EFCC1: variants seen among roughly 807,000 people sequenced by gnomAD.
The protein encoded by EFCC1 is EF-hand and coiled-coil domain containing 1.
A neutral mutation model predicts 52.1 loss-of-function variants in EFCC1; 50 were observed. That is an observed-to-expected ratio of 0.96 (90% CI 0.76 to 1.21). EFCC1 has a LOEUF of 1.21. EFCC1 is among the 50% of genes most tolerant of loss of function. The pLI is 0.00. For missense variants in EFCC1, 837 were observed against 867.3 expected, an observed-to-expected ratio of 0.97 and a Z score of 0.44; for synonymous variants, 399 against 396.5, an observed-to-expected ratio of 1.01 and a Z score of -0.08.
At chr3:129,037,571 G>T (rs966138012) in intron 6 of EFCC1, among the ~76,000 whole-genome samples, 6 of 152,184 alleles carry the variant, frequency 3.9e-5, no homozygotes, top group Admixed American at 3.9e-4. Context: ...CCACATTGCA[G>T]ATTAAAGGAG....
chr3:129,005,220 G>A (rs79239868), intron 2 of EFCC1, among the ~76,000 whole-genome samples: 3,081 of 152,370 alleles, frequency 0.02, 117 homozygotes, highest in African/African-American at 0.069. Context: ...GAACAGATGC[G>A]TGGCAGCAGG....
At chr3:129,036,299 C>A (rs1452422407) in intron 5 of EFCC1, among the ~76,000 whole-genome samples, 1 of 152,242 alleles carries the variant, frequency 6.6e-6, no homozygotes, top group Admixed American at 6.5e-5. Context: ...CCAGGGTGGA[C>A]CCTGAGTGCC....
At position 129,022,224 on chromosome 3, in the gene EFCC1, G is replaced by A. The variant is rs570040785; in HGVS notation, c.981-8479G>A. ...ATGTCATTTCATTTCATCCTCATAG[G>A]ACCGCCAGGCCCAGCTAGCACAGAG... On this transcript the variant is annotated intron_variant, in intron 2 of 7. Coordinates refer to ENST00000683648, the MANE Select transcript of EFCC1 (RefSeq NM_001377500.1). Among the ~76,000 whole-genome samples the A allele has an allele frequency of 1.6e-3, 238 of 152,306 alleles. 2 individuals are homozygous for A. The highest frequency in any genetic ancestry group is 0.014 in the Middle Eastern group (4 of 294).
chr3:129,009,121 G>C (rs565975909), intron 2 of EFCC1, among the ~76,000 whole-genome samples: 57 of 152,302 alleles, frequency 3.7e-4, no homozygotes, highest in African/African-American at 1.3e-3. Context: ...AGGTGTTTCA[G>C]TGGCACTTCT....
At chr3:129,008,591 G>A (rs1315397855) in intron 2 of EFCC1, among the ~76,000 whole-genome samples, 2 of 152,108 alleles carry the variant, frequency 1.3e-5, no homozygotes, top group African/African-American at 4.8e-5. Flanking sequence ...ACGTTCTGTG[G>A]ACCAATCCCC....
At chr3:129,004,163 G>A in intron 2 of EFCC1, 86 bp downstream of exon 2, 2 of 1,338,066 alleles carry the variant, frequency 1.5e-6, no homozygotes, top group Non-Finnish European at 1.9e-6. Context: ...CCCCTCCCAC[G>A]CGCTCTCGTG....
intron 2 of EFCC1, among the ~76,000 whole-genome samples, chr3:129,004,948 G>A (rs1183304041): frequency 6.6e-6 from 1 of 152,230 alleles, no homozygotes; most frequent in Admixed American, 6.5e-5. Context: ...GTGGAACACA[G>A]ATTGGGGTCC....
rs575934197 is a variant in EFCC1 at position 129,017,363 on chromosome 3, T to C, written c.980+13286T>C. 7.9e-4 allele frequency among the ~76,000 whole-genome samples: 120 copies of C among 152,340 alleles called. 1 individual carries two copies. Among genetic ancestry groups the C allele is most frequent in the African/African-American group, 2.9e-3 (120 of 41,574 alleles). On this transcript the variant is annotated intron_variant, in intron 2 of 7. Coordinates refer to ENST00000683648, the MANE Select transcript of EFCC1 (RefSeq NM_001377500.1). ...CCATAGCCGATCACCACACTCTTAG[T>C]GACTTGAAACAACACCCACCTGTGA...
chr3:129,018,872 C>T (rs72979115), intron 2 of EFCC1, among the ~76,000 whole-genome samples: 12,042 of 152,188 alleles, frequency 0.079, 1,358 homozygotes, highest in African/African-American at 0.25. Context: ...CCCCACTCGG[C>T]GCTGGAGTTC....
chr3:129,027,150 A>T (rs1013295949), intron 2 of EFCC1, among the ~76,000 whole-genome samples: 1 of 150,266 alleles, frequency 6.7e-6, no homozygotes, highest in Admixed American at 6.6e-5. Flanking sequence ...ACGCCTGCAG[A>T]CGCCTGCAGA....
Position 129,010,958 on chromosome 3 carries a change from T to A in EFCC1, c.980+6881T>A, listed in dbSNP as rs1046171136. On this transcript the variant is annotated intron_variant, in intron 2 of 7. Transcript: ENST00000683648. This position sits in a 1 kb window ranked among gnomAD's most constrained non-coding sequence, Gnocchi z 4.3. ...GGCTTTGATTCCTGGCTCTTCAACA[T>A]GTGTGGTAGGAGCTAGAGCTGTTCC... Among the ~76,000 whole-genome samples the A allele has an allele frequency of 1.3e-5, 2 of 152,144 alleles. No individual in the cohort carries two copies. The highest frequency in any genetic ancestry group is 4.8e-5 in the African/African-American group (2 of 41,412).
At chr3:129,004,285 C>T (rs188596339) in intron 2 of EFCC1, among the ~76,000 whole-genome samples, 4 of 152,234 alleles carry the variant, frequency 2.6e-5, no homozygotes, top group Admixed American at 2.6e-4. Flanking sequence ...ATCTGCCCAC[C>T]CATCCATTTA....
At chr3:129,004,900 G>T (rs1945000950) in intron 2 of EFCC1, among the ~76,000 whole-genome samples, 1 of 152,154 alleles carries the variant, frequency 6.6e-6, no homozygotes, top group Non-Finnish European at 1.5e-5. Context: ...GTGAGTGTGG[G>T]CAAGTCACCA....
chr3:129,031,687 C>T (rs1357292038), intron 3 of EFCC1, among the ~76,000 whole-genome samples: 1 of 152,186 alleles, frequency 6.6e-6, no homozygotes, highest in Non-Finnish European at 1.5e-5. Context: ...GTGTCAGCAG[C>T]GCAGCTGTCT....
At position 129,039,792 on chromosome 3, in the gene EFCC1, TC is replaced by T. The variant is rs1946401788; in HGVS notation, c.1745del (p.Ser582TrpfsTer45). On this transcript the variant is annotated frameshift_variant, in exon 8 of 8. Transcript: ENST00000683648. LOFTEE classifies it low-confidence loss of function (END_TRUNC). ...AACQLLRRQP[S>X]APASAAAALT... is the part of the protein sequence containing the mutation. ...CTGCCAGCTGTTGCGGAGACAGCCC[TC>T]GGCACCAGCCTCTGCAGCAGCTGCG... 1 of 1,612,434 alleles carries T rather than the reference TC, an allele frequency of 6.2e-7. No homozygotes were observed. Among genetic ancestry groups the T allele is most frequent in the East Asian group, 2.2e-5 (1 of 44,776 alleles).
At position 129,003,916 on chromosome 3, in the gene EFCC1, G is replaced by C; in HGVS notation, c.819G>C (p.Arg273=). The part of the protein sequence containing the change: ...ALAAAEARAG[R]LRRGQAEVRR... ...CTGCGGCGGAGGCCCGCGCTGGGCG[G>C]CTGCGCCGTGGCCAGGCCGAGGTGC... Residue 273 remains arginine (R), a synonymous_variant, in exon 2 of 8, where the codon CGG becomes CGC. Transcript: ENST00000683648. 7.4e-7 allele frequency: 1 copy of C among 1,357,844 alleles called. No individual in the cohort carries two copies. The allele number at this position is 1,357,844 out of a possible 1,614,324, so 84.1% of individuals were successfully genotyped here.
chr3:129,011,207 C>T (rs1945311388), intron 2 of EFCC1, among the ~76,000 whole-genome samples: 1 of 152,142 alleles, frequency 6.6e-6, no homozygotes, highest in Non-Finnish European at 1.5e-5. Context: ...GAAGATTCAA[C>T]TTGCTGTTGT....
At chr3:129,004,372 C>T (rs34643992) in intron 2 of EFCC1, among the ~76,000 whole-genome samples, 4 of 105,732 alleles carry the variant, frequency 3.8e-5, no homozygotes, top group Non-Finnish European at 7.4e-5. Flanking sequence ...TCACTCACCC[C>T]CCCCACCCAC....
In EFCC1 at chr3:129,032,949, C is replaced by G. The variant is rs749146702; in HGVS notation, c.1269C>G (p.Leu423=). 5 of 1,544,942 alleles carry G rather than the reference C, an allele frequency of 3.2e-6. No individual in the cohort carries two copies. The highest frequency in any genetic ancestry group is 2.0e-5 in the Admixed American group (1 of 50,648). Residue 423 remains leucine (L), a synonymous_variant, in exon 4 of 8, where the codon CTC becomes CTG. Transcript: ENST00000683648. ...AAEAKTLLAR[L]SSCRGRCDDQ... ...AGGCCAAGACACTGCTGGCCCGGCT[C>G]TCCAGCTGCAGAGGCAGGTGTGTGG...
Sources: gnomAD v4.1 joint callset for allele counts (sites outside exome capture counted in the v4.1 genomes callset) on GRCh38, gnomAD v4.1.1 for gene constraint, Gnocchi (gnomAD v3.1) non-coding constraint, MANE v1.5 for transcripts, NCBI Gene and HGNC (gene_info 2026-07-23, HGNC 2026-07-21) for gene names.